Variants in CNKSR2 observed in about 807,000 individuals in gnomAD.
CNKSR2 encodes the protein CNK homolog protein 2.
In CNKSR2, 14 loss-of-function variants were observed where a neutral mutation model predicts 84.4. The ratio of observed to expected loss-of-function variants is 0.17; its 90% CI spans 0.11 to 0.26. The LOEUF is 0.26. CNKSR2 is among the 10% of genes least tolerant of loss of function. The pLI, the probability that CNKSR2 is intolerant of heterozygous loss-of-function variation, is 1.00. For missense variants in CNKSR2, 485 were observed against 771.2 expected (o/e 0.63, Z 4.40); for synonymous variants, 275 against 277.9 (o/e 0.99, Z 0.10).
At chrX:21,404,794 A>G (rs1460995862) in intron 1 of CNKSR2, among the ~76,000 whole-genome samples, 3 of 106,581 alleles carry the variant, frequency 2.8e-5, no homozygotes, top group African/African-American at 1.0e-4. Flanking sequence ...TGTCTCAAAA[A>G]AAAAAAAAAA....
At chrX:21,625,854 A>C (rs369620010) in intron 20 of CNKSR2, among the ~76,000 whole-genome samples, 2 of 111,849 alleles carry the variant, frequency 1.8e-5, no homozygotes, top group East Asian at 5.6e-4. Flanking sequence ...TGTTTAATAG[A>C]AGTCTATTCA....
intron 16 of CNKSR2, 131 bp downstream of exon 16, chrX:21,595,178 G>T (rs925692639): frequency 6.0e-6 from 4 of 664,740 alleles, no homozygotes; most frequent in Non-Finnish European, 9.2e-6. Context: ...GCAGAAAATT[G>T]AACTTTTTAC....
chrX:21,554,133 G>A (rs2092117332), intron 11 of CNKSR2, among the ~76,000 whole-genome samples: 1 of 111,582 alleles, frequency 9.0e-6, no homozygotes, highest in African/African-American at 3.3e-5. Context: ...CCCTCTTGTG[G>A]TGGAATACTT....
intron 8 of CNKSR2, among the ~76,000 whole-genome samples, chrX:21,514,256 A>G (rs1439502142): frequency 1.8e-5 from 2 of 111,855 alleles, no homozygotes; most frequent in African/African-American, 6.5e-5. Flanking sequence ...TCCTTATGGT[A>G]GTGGAAGTAG....
At chrX:21,642,478 G>A (rs1168685695) in intron 20 of CNKSR2, 1 of 751,052 alleles carries the variant, frequency 1.3e-6, no homozygotes, top group East Asian at 1.5e-4. Flanking sequence ...TATGTAACTG[G>A]GTCCCCTATG....
Position 21,469,839 on chromosome X carries a change from G to C in CNKSR2, c.520-927G>C, listed in dbSNP as rs371313383. 9.2e-5 allele frequency among the ~76,000 whole-genome samples: 10 copies of C among 109,091 alleles called. 1 individual carries two copies. Among genetic ancestry groups the C allele is most frequent in the East Asian group, 8.7e-4 (3 of 3,453 alleles). The allele number at this position is 109,091 out of a possible 115,157, so 94.7% of individuals were successfully genotyped here. A position where few individuals can be genotyped will look rare whatever the true frequency, so the allele number is the denominator to read the frequency against. On this transcript the variant is annotated intron_variant, in intron 4 of 21. Coordinates refer to ENST00000379510, the MANE Select transcript of CNKSR2 (RefSeq NM_014927.5). ...AGGCAGGAGAATCACTTGAACCCAG[G>C]GGGTGGAGGTTGCAGTGAGCCGAGA...
At chrX:21,578,679 A>T (rs959028707) in intron 13 of CNKSR2, among the ~76,000 whole-genome samples, 1 of 110,926 alleles carries the variant, frequency 9.0e-6, no homozygotes, top group African/African-American at 3.3e-5. Context: ...AAGGGAATTT[A>T]TCTTCTGATG....
intron 4 of CNKSR2, among the ~76,000 whole-genome samples, chrX:21,443,043 G>A (rs766957290): frequency 5.4e-5 from 6 of 110,272 alleles, no homozygotes; most frequent in East Asian, 2.9e-4. Context: ...ACTACCTTTC[G>A]GGTACTATGC....
chrX:21,608,324 C>T (rs1025383361), intron 19 of CNKSR2, among the ~76,000 whole-genome samples: 13 of 111,299 alleles, frequency 1.2e-4, no homozygotes, highest in African/African-American at 4.3e-4. Context: ...AGGCTTGTGG[C>T]AGTAGAGGTG....
intron 4 of CNKSR2, among the ~76,000 whole-genome samples, chrX:21,445,898 G>A (rs1198057112): frequency 2.7e-5 from 3 of 111,496 alleles, no homozygotes; most frequent in Non-Finnish European, 5.7e-5. Context: ...GAATAGTGCT[G>A]TAGTAAACAT....
intron 8 of CNKSR2, among the ~76,000 whole-genome samples, chrX:21,511,125 G>T (rs2091666857): frequency 9.0e-6 from 1 of 111,065 alleles, no homozygotes. Flanking sequence ...ATTTTTCCAG[G>T]ACAAATAGGA....
chrX:21,616,931 G>GA (rs777703070), intron 20 of CNKSR2, among the ~76,000 whole-genome samples: 3 of 111,682 alleles, frequency 2.7e-5, no homozygotes, highest in Non-Finnish European at 5.6e-5. Flanking sequence ...CATCAGCCAG[G>GA]AAAATAATCT....
At chrX:21,486,469 A>G (rs957032928) in intron 5 of CNKSR2, among the ~76,000 whole-genome samples, 1 of 112,397 alleles carries the variant, frequency 8.9e-6, no homozygotes, top group Admixed American at 9.4e-5. Context: ...TAGAAACAGA[A>G]TTAGCACAAT....
At chrX:21,514,872 G>T (rs1473117126) in intron 8 of CNKSR2, among the ~76,000 whole-genome samples, 1 of 110,574 alleles carries the variant, frequency 9.0e-6, no homozygotes, top group East Asian at 2.9e-4. Flanking sequence ...ATGAACCCTT[G>T]GATTTGAACT....
rs6629411 is a variant in CNKSR2, at chrX:21,532,887, A to G, written c.1303+820A>G. On this transcript the variant is annotated intron_variant, in intron 11 of 21. Transcript: ENST00000379510. Reference sequence around the variant, plus strand: ...CTGCTAATTAGTTCAAACTTGATCAATGGGAGCTGAGCAGAAGCAAAGTTG... The same window carrying G: ...CTGCTAATTAGTTCAAACTTGATCAGTGGGAGCTGAGCAGAAGCAAAGTTG... Among the ~76,000 whole-genome samples the G allele has an allele frequency of 1.7e-3, 190 of 111,443 alleles. 3 individuals are homozygous for G. The East Asian group carries it at 0.052, about 31-fold the overall frequency.
chrX:21,503,591 C>A (rs193215884), intron 8 of CNKSR2: 2 of 179,838 alleles, frequency 1.1e-5, no homozygotes, highest in Non-Finnish European at 2.1e-5. Flanking sequence ...TACTCCCTCC[C>A]AAAACTCAAA....
intron 7 of CNKSR2, among the ~76,000 whole-genome samples, chrX:21,498,483 CT>C (rs11359723): frequency 0.36 from 40,093 of 111,109 alleles, 9,309 homozygotes; most frequent in African/African-American, 0.87. Context: ...AGGCCTATGT[CT>C]TTACAACCAG....
At chrX:21,516,978 CTT>C (rs895426255) in intron 9 of CNKSR2, among the ~76,000 whole-genome samples, 5 of 111,789 alleles carry the variant, frequency 4.5e-5, no homozygotes, top group African/African-American at 1.6e-4. Context: ...CCCACATACT[CTT>C]TTAGAAGAAG....
chrX:21,516,671 G>A (rs2091730629), intron 9 of CNKSR2, 40 bp downstream of exon 9: 1 of 1,132,907 alleles, frequency 8.8e-7, no homozygotes, highest in South Asian at 1.9e-5. Flanking sequence ...CATCATTTTA[G>A]CCATAGATTA....
Sources: allele counts gnomAD v4.1 joint callset (sites outside exome capture counted in the v4.1 genomes callset), GRCh38; gene constraint gnomAD v4.1.1; transcripts MANE v1.5; gene names NCBI Gene and HGNC (gene_info 2026-07-23, HGNC 2026-07-21).